The following TANC1 variants were observed in gnomAD, a reference collection of about 807,000 sequenced individuals.
The protein encoded by TANC1 is tetratricopeptide repeat, ankyrin repeat and coiled-coil containing 1.
A neutral mutation model predicts 149.7 loss-of-function variants in TANC1; 77 were observed. That is an observed-to-expected ratio of 0.51 (90% CI 0.43 to 0.62). TANC1 has a LOEUF of 0.62. Among genes scored for constraint, TANC1 ranks in the 20% least tolerant of loss-of-function variants. The probability of loss-of-function intolerance (pLI) is 0.00; values close to 1 mark genes in which losing one functional copy is unlikely to be tolerated. For synonymous variants in TANC1, 854 were observed against 925.0 expected (o/e 0.92, Z 1.39); for missense variants, 1,985 against 2,321.8 (o/e 0.85, Z 2.98).
chr2:159,120,442 G>A (rs562357829), intron 4 of TANC1, among the ~76,000 whole-genome samples: 2 of 152,126 alleles, frequency 1.3e-5, no homozygotes, highest in East Asian at 3.9e-4. Flanking sequence ...ATGGTGGAGG[G>A]ACTATTTTGA....
chr2:159,158,221 CTGG>C (rs934983333), intron 7 of TANC1, among the ~76,000 whole-genome samples: 21 of 152,062 alleles, frequency 1.4e-4, no homozygotes, highest in Middle Eastern at 3.4e-3. Context: ...GCCAGGGGTG[CTGG>C]TGGTGCATGC....
chr2:159,200,931 T>C (rs979278087), intron 19 of TANC1, among the ~76,000 whole-genome samples: 1 of 152,186 alleles, frequency 6.6e-6, no homozygotes, highest in African/African-American at 2.4e-5. Context: ...TTCAGACCAC[T>C]TTGCAACCTG....
intron 3 of TANC1, among the ~76,000 whole-genome samples, chr2:159,076,094 T>C (rs1251214717): frequency 6.6e-6 from 1 of 152,216 alleles, no homozygotes; most frequent in Non-Finnish European, 1.5e-5. Context: ...CTCTGTTACA[T>C]TTCTTCTTCA....
At chr2:159,206,097 G>A (rs11693113) in intron 19 of TANC1, among the ~76,000 whole-genome samples, 4,706 of 152,278 alleles carry the variant, frequency 0.031, 94 homozygotes, top group Middle Eastern at 0.061. Flanking sequence ...AACTATCCTC[G>A]GCAAAGCAAC....
chr2:159,040,529 C>T (rs1174047458), intron 2 of TANC1, among the ~76,000 whole-genome samples: 3 of 152,090 alleles, frequency 2.0e-5, no homozygotes, highest in Admixed American at 6.5e-5. Flanking sequence ...TCACTGATTC[C>T]CTTTCTTCCA....
At chr2:159,063,007 T>C (rs1190933333) in intron 2 of TANC1, among the ~76,000 whole-genome samples, 27 of 123,352 alleles carry the variant, frequency 2.2e-4, no homozygotes, top group African/African-American at 7.4e-4. Flanking sequence ...AAAGCAAAGC[T>C]CATGAGAGCT....
intron 1 of TANC1, among the ~76,000 whole-genome samples, chr2:158,975,207 T>C (rs553717226): frequency 6.6e-6 from 1 of 152,184 alleles, no homozygotes; most frequent in Non-Finnish European, 1.5e-5. Context: ...TTTTTTCCAG[T>C]GGTCAGTTAC....
intron 1 of TANC1, among the ~76,000 whole-genome samples, chr2:158,997,969 A>T (rs529394048): frequency 1.1e-4 from 16 of 152,334 alleles, no homozygotes; most frequent in African/African-American, 3.8e-4. Context: ...TTGACCAAGT[A>T]ATCAAAGTTT....
chr2:159,072,713 A>G (rs1478707044), intron 3 of TANC1, among the ~76,000 whole-genome samples: 8 of 152,198 alleles, frequency 5.3e-5, no homozygotes, highest in Admixed American at 5.2e-4. Flanking sequence ...ACATGGATAC[A>G]TATGTAACTA....
intron 14 of TANC1, among the ~76,000 whole-genome samples, chr2:159,179,366 T>C (rs1381310462): frequency 1.3e-5 from 2 of 152,094 alleles, no homozygotes; most frequent in Non-Finnish European, 2.9e-5. Flanking sequence ...TGCCTTCTAA[T>C]TGCTAGGACT....
At chr2:159,020,537 A>G (rs1045890823) in intron 2 of TANC1, among the ~76,000 whole-genome samples, 2 of 152,144 alleles carry the variant, frequency 1.3e-5, no homozygotes, top group Admixed American at 6.5e-5. Context: ...TTTTTTTTCA[A>G]TAACAGCCGC....
chr2:159,178,758 G>A lies in TANC1; in HGVS notation c.2105G>A (p.Gly702Asp). 1 of 1,614,176 alleles carries A rather than the reference G, an allele frequency of 6.2e-7. No individual in the cohort carries two copies. Among genetic ancestry groups the A allele is most frequent in the Non-Finnish European group, 8.5e-7 (1 of 1,180,008 alleles). The change falls in exon 14 of 27, where the codon GGC (glycine) becomes GAC (aspartate). Residue 702 changes from glycine to aspartate, a missense_variant. Physicochemically the swap from Gly to Asp is moderately conservative, Grantham distance 94. This residue lies in a region of TANC1 where 508 missense variants were observed against 714.2 expected (regional missense o/e 0.71). Coordinates refer to ENST00000263635, the MANE Select transcript of TANC1 (RefSeq NM_033394.3). ...AGCCACCTGGTGCTGCGGAGCCTCG[G>A]CTCCTACCTGTACCTCAAGCTCACC... ...VSSHLVLRSL[G>D]SYLYLKLTLD...
At chr2:158,994,324 A>G (rs866922693) in intron 1 of TANC1, among the ~76,000 whole-genome samples, 1 of 152,156 alleles carries the variant, frequency 6.6e-6, no homozygotes, top group African/African-American at 2.4e-5. Flanking sequence ...CCCAGGCTGT[A>G]GTGCAGTGGT....
chr2:159,061,732 A>T (rs2042246872), intron 2 of TANC1, among the ~76,000 whole-genome samples: 1 of 152,174 alleles, frequency 6.6e-6, no homozygotes. Flanking sequence ...TGAGGAAAAG[A>T]TACCTTTTCT....
At chr2:159,115,185 TGTGTGTGTGTGTATGTGTGTCC>T (rs2048119586) in intron 4 of TANC1, among the ~76,000 whole-genome samples, 2 of 151,442 alleles carry the variant, frequency 1.3e-5, no homozygotes, top group African/African-American at 4.9e-5. Flanking sequence ...TGTGTGTGTG[TGTGTGTGTGTGTATGTGTGTCC>T]GTGTGTGTGT....
chr2:159,141,119 ATTTCTT>A (rs2051326604), intron 5 of TANC1, among the ~76,000 whole-genome samples: 1 of 152,178 alleles, frequency 6.6e-6, no homozygotes, highest in African/African-American at 2.4e-5. Context: ...ACAGTAATTT[ATTTCTT>A]AGATTTGTGC....
At position 159,119,052 on chromosome 2, in the gene TANC1, A is replaced by G. The variant is rs75333936; in HGVS notation, c.260-17142A>G. On this transcript the variant is annotated intron_variant, in intron 4 of 26. Transcript: ENST00000263635. The stretch of plus-strand genomic sequence containing the variant: ...GTCTCTGATTGTTCAAAATTGTTCA[A>G]TAGCTGAGGCGTAAAAGTAGAATAG... 4.9e-3 allele frequency among the ~76,000 whole-genome samples: 747 copies of G among 152,294 alleles called. 5 individuals are homozygous for G. Among genetic ancestry groups the G allele is most frequent in the African/African-American group, 0.017 (704 of 41,558 alleles).
intron 4 of TANC1, among the ~76,000 whole-genome samples, chr2:159,133,548 C>A (rs564385635): frequency 3.0e-4 from 45 of 152,144 alleles, no homozygotes; most frequent in African/African-American, 8.2e-4. Context: ...CTGTCCTATT[C>A]AGGCCCTTCT....
At chr2:159,145,597 T>C (rs1325999103) in intron 5 of TANC1, among the ~76,000 whole-genome samples, 1 of 152,200 alleles carries the variant, frequency 6.6e-6, no homozygotes, top group Non-Finnish European at 1.5e-5. Flanking sequence ...TTTAAAGTTA[T>C]GATGGCAGTC....
Sources: allele counts gnomAD v4.1 joint callset (sites outside exome capture counted in the v4.1 genomes callset), GRCh38; gene constraint gnomAD v4.1.1; regional missense constraint gnomAD v4.1.1; transcripts MANE v1.5; gene names NCBI Gene and HGNC (gene_info 2026-07-23, HGNC 2026-07-21).